The following TNFSF4 variants were observed in gnomAD, a reference collection of about 807,000 sequenced individuals.
TNFSF4 encodes TNF superfamily member 4.
TNFSF4 carries 4 observed loss-of-function variants against 7.3 expected under a neutral mutation model. The ratio of observed to expected loss-of-function variants is 0.55; its 90% CI spans 0.27 to 1.25. The LOEUF is 1.25. Among genes scored for constraint, TNFSF4 ranks in the 50% most tolerant of loss-of-function variants. The probability of loss-of-function intolerance (pLI) is 0.12; values close to 1 mark genes in which losing one functional copy is unlikely to be tolerated. For missense variants in TNFSF4, 181 were observed against 208.8 expected, an observed-to-expected ratio of 0.87 and a Z score of 0.82; for synonymous variants, 76 against 83.7, an observed-to-expected ratio of 0.91 and a Z score of 0.50.
chr1:173,191,369 G>A (rs749536226), intron 1 of TNFSF4, among the ~76,000 whole-genome samples: 1 of 152,170 alleles, frequency 6.6e-6, no homozygotes, highest in Non-Finnish European at 1.5e-5. Flanking sequence ...ATCCTCAGAA[G>A]TCTCTTACTA....
the TNFSF4 span, among the ~76,000 whole-genome samples, chr1:173,402,675 T>C: frequency 6.6e-6 from 1 of 152,176 alleles, no homozygotes; most frequent in Non-Finnish European, 1.5e-5. Context: ...AGCTCCTTGA[T>C]GACCCCATCA....
chr1:173,371,860 A>T, the TNFSF4 span, among the ~76,000 whole-genome samples: 1 of 152,174 alleles, frequency 6.6e-6, no homozygotes, highest in Admixed American at 6.5e-5. Flanking sequence ...GCGTTTGAGG[A>T]TCCCACAGAC....
intron 1 of TNFSF4, among the ~76,000 whole-genome samples, chr1:173,195,277 A>G (rs950059112): frequency 6.6e-6 from 1 of 152,244 alleles, no homozygotes; most frequent in African/African-American, 2.4e-5. Context: ...ATATACATCA[A>G]AATATCCAGA....
the TNFSF4 span, among the ~76,000 whole-genome samples, chr1:173,314,016 T>C: frequency 6.6e-6 from 1 of 152,098 alleles, no homozygotes; most frequent in African/African-American, 2.4e-5. Context: ...CATTGACTTT[T>C]ATTAGGTTTT....
chr1:173,325,269 G>A, the TNFSF4 span, among the ~76,000 whole-genome samples: 1 of 152,048 alleles, frequency 6.6e-6, no homozygotes, highest in East Asian at 1.9e-4. Flanking sequence ...TGACTACTGG[G>A]TACATAATGA....
the TNFSF4 span, among the ~76,000 whole-genome samples, chr1:173,214,583 TA>T: frequency 0.028 from 4,260 of 152,126 alleles, 65 homozygotes; most frequent in Admixed American, 0.055. Flanking sequence ...GCTAATGAGC[TA>T]AAAAAAAGAA....
chr1:173,259,795 A>G, the TNFSF4 span, among the ~76,000 whole-genome samples: 1 of 152,234 alleles, frequency 6.6e-6, no homozygotes, highest in Non-Finnish European at 1.5e-5. Context: ...AGATTAGAGA[A>G]AAAAGAATGA....
the TNFSF4 span, among the ~76,000 whole-genome samples, chr1:173,173,857 C>G: frequency 2.0e-5 from 3 of 152,332 alleles, no homozygotes; most frequent in Non-Finnish European, 4.4e-5. Context: ...ATGGGAGGGG[C>G]TGCCACGAAG....
chr1:173,339,740 T>A, the TNFSF4 span, among the ~76,000 whole-genome samples: 1 of 152,110 alleles, frequency 6.6e-6, no homozygotes, highest in Admixed American at 6.5e-5. Context: ...TCCTGGGAAA[T>A]GGTTAGTGTG....
At chr1:173,245,552 T>C in the TNFSF4 span, among the ~76,000 whole-genome samples, 1 of 152,216 alleles carries the variant, frequency 6.6e-6, no homozygotes, top group Non-Finnish European at 1.5e-5. Flanking sequence ...CTCAGGGTAT[T>C]TAGCTTATCC....
rs1649227027 is a variant in TNFSF4, at chr1:173,186,428, C to T, written c.*88G>A. The T allele has an allele frequency of 1.5e-5, 17 of 1,137,844 alleles. No homozygotes were observed. The East Asian group carries it at 4.1e-4, about 27-fold the overall frequency. The allele number at this position is 1,137,844 out of a possible 1,614,324, so 70.5% of individuals were successfully genotyped here. A position where few individuals can be genotyped will look rare whatever the true frequency, so the allele number is the denominator to read the frequency against. On this transcript the variant is annotated 3_prime_UTR_variant, in exon 3 of 3. Coordinates refer to ENST00000281834, the MANE Select transcript of TNFSF4 (RefSeq NM_003326.5). ...CCCACGTGGCTGAGCTGGGAGGCTC[C>T]TTCACTTGCAATGAAGAATCCATGC...
chr1:173,230,559 A>T, the TNFSF4 span, among the ~76,000 whole-genome samples: 2 of 152,192 alleles, frequency 1.3e-5, no homozygotes, highest in Non-Finnish European at 2.9e-5. Flanking sequence ...AGCTAGCAGA[A>T]GACAAGAAAT....
At chr1:173,337,675 C>G in the TNFSF4 span, among the ~76,000 whole-genome samples, 2 of 152,328 alleles carry the variant, frequency 1.3e-5, no homozygotes, top group South Asian at 4.1e-4. Flanking sequence ...GTGGACAGAA[C>G]TTTGAGCAAT....
chr1:173,261,610 G>C, the TNFSF4 span, among the ~76,000 whole-genome samples: 3 of 151,834 alleles, frequency 2.0e-5, no homozygotes, highest in African/African-American at 7.3e-5. Context: ...AAACAAAGAA[G>C]AATCATATAG....
At chr1:173,390,800 C>CAATGGCACAA in the TNFSF4 span, among the ~76,000 whole-genome samples, 1 of 134,848 alleles carries the variant, frequency 7.4e-6, no homozygotes, top group East Asian at 2.1e-4. Flanking sequence ...GGCTGGAATG[C>CAATGGCACAA]AATGGCACAA....
At chr1:173,379,004 A>G in the TNFSF4 span, among the ~76,000 whole-genome samples, 1 of 150,408 alleles carries the variant, frequency 6.6e-6, no homozygotes, top group Non-Finnish European at 1.5e-5. Context: ...GACCTGGCGA[A>G]GCTTTCAGAT....
the TNFSF4 span, among the ~76,000 whole-genome samples, chr1:173,395,443 T>C: frequency 1.5e-5 from 2 of 129,406 alleles, no homozygotes; most frequent in African/African-American, 5.6e-5. Context: ...GAGAAAATTT[T>C]GGGAAAACTG....
chr1:173,395,029 TAGATAGATGATA>T, the TNFSF4 span, among the ~76,000 whole-genome samples: 2,557 of 104,300 alleles, frequency 0.025, 33 homozygotes, highest in Non-Finnish European at 0.034. Context: ...GATAGATAGA[TAGATAGATGATA>T]GATAGATAGA....
At chr1:173,240,284 T>C in the TNFSF4 span, among the ~76,000 whole-genome samples, 1 of 152,192 alleles carries the variant, frequency 6.6e-6, no homozygotes, top group Non-Finnish European at 1.5e-5. Context: ...CTTACTTTAT[T>C]ATATTTTCAT....
Sources: gnomAD v4.1 joint callset for allele counts (sites outside exome capture counted in the v4.1 genomes callset) on GRCh38, gnomAD v4.1.1 for gene constraint, MANE v1.5 for transcripts, NCBI Gene and HGNC (gene_info 2026-07-23, HGNC 2026-07-21) for gene names.